Variants in IFT88 observed in about 807,000 individuals in gnomAD.
IFT88 encodes the protein intraflagellar transport 88.
Under a neutral mutation model 119.5 loss-of-function variants are expected in IFT88, and 74 were observed. The observed-to-expected ratio is 0.62, with a 90% CI of 0.51 to 0.75. IFT88 has a LOEUF of 0.75. Among genes scored for constraint, IFT88 ranks in the 30% least tolerant of loss-of-function variants. The probability of loss-of-function intolerance (pLI) is 0.00; values close to 1 mark genes in which losing one functional copy is unlikely to be tolerated. For missense variants in IFT88, 961 were observed against 977.7 expected (o/e 0.98, Z 0.23); for synonymous variants, 279 against 316.7 (o/e 0.88, Z 1.26).
At chr13:20,570,128 A>G (rs1025119969) in intron 1 of IFT88, among the ~76,000 whole-genome samples, 2 of 152,218 alleles carry the variant, frequency 1.3e-5, no homozygotes, top group Non-Finnish European at 2.9e-5. Flanking sequence ...AAGATACTCA[A>G]CATCATTAGT....
At chr13:20,653,474 C>T (rs1406263529) in intron 20 of IFT88, among the ~76,000 whole-genome samples, 1 of 151,990 alleles carries the variant, frequency 6.6e-6, no homozygotes, top group Non-Finnish European at 1.5e-5. Flanking sequence ...TCTGTTTAGT[C>T]GAAGCCTGAT....
In IFT88 at chr13:20,569,432, G is replaced by C. The variant is rs1360370890; in HGVS notation, c.-7+2176G>C. Among the ~76,000 whole-genome samples, 7 of 151,382 alleles carry C rather than the reference G, an allele frequency of 4.6e-5. No homozygotes were observed. In the East Asian group the frequency reaches 1.4e-3, roughly 30 times the overall value. On this transcript the variant is annotated intron_variant, in intron 1 of 25. Coordinates refer to ENST00000351808, the MANE Select transcript of IFT88 (RefSeq NM_006531.5). ...ACTAAAAATACAAAAAATTAGCCGG[G>C]CGTGGTGGCGGGCGCCTGTAGTCCC...
At chr13:20,585,051 A>C (rs929643808) in intron 3 of IFT88, among the ~76,000 whole-genome samples, 1 of 152,192 alleles carries the variant, frequency 6.6e-6, no homozygotes, top group Admixed American at 6.5e-5. Context: ...TCACTTTGTC[A>C]TGTTCTCCCG....
At chr13:20,610,103 T>TA (rs2044221074) in intron 13 of IFT88, among the ~76,000 whole-genome samples, 1 of 38,834 alleles carries the variant, frequency 2.6e-5, no homozygotes, top group Non-Finnish European at 6.0e-5. Flanking sequence ...GCTTGACTGC[T>TA]GTTTTTTTTT....
At chr13:20,661,723 A>C (rs968178412) in intron 22 of IFT88, among the ~76,000 whole-genome samples, 2 of 148,026 alleles carry the variant, frequency 1.4e-5, no homozygotes, top group Non-Finnish European at 3.0e-5. Context: ...TGACAGAGCA[A>C]GACTCCATCT....
chr13:20,609,861 C>T (rs1281999621), intron 13 of IFT88, among the ~76,000 whole-genome samples: 1 of 152,170 alleles, frequency 6.6e-6, no homozygotes, highest in Non-Finnish European at 1.5e-5. Flanking sequence ...CCTGAGTGCT[C>T]AGGTCTGAGC....
intron 14 of IFT88, 105 bp downstream of exon 14, chr13:20,615,984 A>G (rs1478586435): frequency 1.8e-6 from 1 of 546,724 alleles, no homozygotes; most frequent in Non-Finnish European, 3.1e-6. Flanking sequence ...ATGAATGTTG[A>G]TTCATATTTA....
chr13:20,571,140 C>A (rs191249857), intron 1 of IFT88, among the ~76,000 whole-genome samples: 1 of 152,042 alleles, frequency 6.6e-6, no homozygotes, highest in African/African-American at 2.4e-5. Flanking sequence ...ATTACAGGTG[C>A]CTGCTATCAT....
At position 20,638,793 on chromosome 13, in the gene IFT88, C is replaced by A. The variant is rs146283525; in HGVS notation, c.1573+275C>A. Among the ~76,000 whole-genome samples, 124 of 152,292 alleles carry A rather than the reference C, an allele frequency of 8.1e-4. 1 individual carries two copies. Among genetic ancestry groups the A allele is most frequent in the African/African-American group, 2.9e-3 (119 of 41,576 alleles). On this transcript the variant is annotated intron_variant, in intron 17 of 25. Coordinates refer to ENST00000351808, the MANE Select transcript of IFT88 (RefSeq NM_006531.5). ...TGTATAATACTAATTTCCCAAATTT[C>A]TGCTAATACTGGATATTATCATTCT...
intron 24 of IFT88, among the ~76,000 whole-genome samples, chr13:20,685,535 C>A (rs192627002): frequency 6.6e-6 from 1 of 152,304 alleles, no homozygotes; most frequent in African/African-American, 2.4e-5. Flanking sequence ...AAGTGGCACA[C>A]CCTGCTGGGA....
intron 9 of IFT88, 47 bp from the exon 10 acceptor site, chr13:20,598,604 G>C: frequency 1.8e-6 from 2 of 1,089,308 alleles, no homozygotes; most frequent in Non-Finnish European, 2.8e-6. Context: ...GGTGAAAGGG[G>C]CCTAAAGTGG....
chr13:20,683,985 C>T (rs2057609857), intron 24 of IFT88, among the ~76,000 whole-genome samples: 1 of 152,164 alleles, frequency 6.6e-6, no homozygotes, highest in Non-Finnish European at 1.5e-5. Context: ...GTAATCCTAC[C>T]GTCCCCACTG....
At chr13:20,638,215 A>T in intron 16 of IFT88, 117 bp from the exon 17 acceptor site, 1 of 540,542 alleles carries the variant, frequency 1.9e-6, no homozygotes. Flanking sequence ...TATGTAAAAT[A>T]TTTTTGTTCA....
intron 24 of IFT88, among the ~76,000 whole-genome samples, chr13:20,674,745 T>TG (rs2056443323): frequency 8.5e-6 from 1 of 117,444 alleles, no homozygotes; most frequent in Non-Finnish European, 1.9e-5. Context: ...TTTTTTTTTT[T>TG]GAGACAGAGT....
At chr13:20,652,262 C>G (rs2140500454) in intron 20 of IFT88, among the ~76,000 whole-genome samples, 1 of 152,190 alleles carries the variant, frequency 6.6e-6, no homozygotes. Context: ...AATTAATACA[C>G]TAAAACCATT....
chr13:20,596,131 C>T lies in IFT88; in HGVS notation c.399-19C>T, dbSNP rs199690786. The T allele has an allele frequency of 5.7e-5, 56 of 990,956 alleles. No individual in the cohort carries two copies. The Middle Eastern group carries it at 9.8e-4, about 17-fold the overall frequency. The allele number at this position is 990,956 out of a possible 1,614,324, so 61.4% of individuals were successfully genotyped here. A position where few individuals can be genotyped will look rare whatever the true frequency, so the allele number is the denominator to read the frequency against. On this transcript the variant is annotated intron_variant, in intron 7 of 25. Transcript: ENST00000351808. The stretch of plus-strand genomic sequence containing the variant: ...AGAGGTTGAATGATTTAAATTGTAC[C>T]TGCTTTTGTCTTTAATAGCCCAGAG...
rs2042863141 is a variant in IFT88, at chr13:20,603,031, A to G, written c.1041+1098A>G. ...GCTATGCACACTTATACATGAACAT[A>G]AACTGGAAGAATTGACACCAATATA... On this transcript the variant is annotated intron_variant, in intron 12 of 25. Coordinates refer to ENST00000351808, the MANE Select transcript of IFT88 (RefSeq NM_006531.5). 1.3e-5 allele frequency among the ~76,000 whole-genome samples: 2 copies of G among 152,260 alleles called. 1 individual carries two copies. Among genetic ancestry groups the G allele is most frequent in the South Asian group, 4.1e-4 (2 of 4,838 alleles).
chr13:20,677,496 TCTTAA>T (rs2056818074), intron 24 of IFT88, among the ~76,000 whole-genome samples: 1 of 152,188 alleles, frequency 6.6e-6, no homozygotes, highest in Admixed American at 6.5e-5. Context: ...GTGCGCTGCC[TCTTAA>T]CTTTGGAAAG....
At chr13:20,590,503 A>C (rs955332962) in intron 4 of IFT88, among the ~76,000 whole-genome samples, 1 of 152,182 alleles carries the variant, frequency 6.6e-6, no homozygotes. Flanking sequence ...TATATGAGTG[A>C]AGAAAGTAGC....
Sources: allele counts gnomAD v4.1 joint callset (sites outside exome capture counted in the v4.1 genomes callset), GRCh38; gene constraint gnomAD v4.1.1; transcripts MANE v1.5; gene names NCBI Gene and HGNC (gene_info 2026-07-23, HGNC 2026-07-21).